UBE2V1: variants seen among roughly 807,000 people sequenced by gnomAD.
UBE2V1 encodes ubiquitin-conjugating enzyme E2 variant 1.
A neutral mutation model predicts 19.6 loss-of-function variants in UBE2V1; 15 were observed. That is an observed-to-expected ratio of 0.77 (90% CI 0.51 to 1.18). The LOEUF is 1.18. UBE2V1 is among the 50% of genes most tolerant of loss of function. The pLI is 0.00. For synonymous variants in UBE2V1, 60 were observed against 60.7 expected, an observed-to-expected ratio of 0.99 and a Z score of 0.05; for missense variants, 125 against 184.8, an observed-to-expected ratio of 0.68 and a Z score of 1.88.
At chr20:50,105,472 AAAG>A (rs2080295879) in intron 1 of UBE2V1, among the ~76,000 whole-genome samples, 1 of 152,240 alleles carries the variant, frequency 6.6e-6, no homozygotes, top group South Asian at 2.1e-4. Context: ...TACATATGCC[AAAG>A]AACAGAAGCA....
At chr20:50,091,971 G>A (rs1568983433) in intron 2 of UBE2V1, among the ~76,000 whole-genome samples, 1 of 152,090 alleles carries the variant, frequency 6.6e-6, no homozygotes, top group Non-Finnish European at 1.5e-5. Flanking sequence ...CAGTTCCTCT[G>A]AAGCATGGGT....
intron 1 of UBE2V1, among the ~76,000 whole-genome samples, chr20:50,097,227 T>A (rs2079683794): frequency 6.6e-6 from 1 of 152,226 alleles, no homozygotes; most frequent in Non-Finnish European, 1.5e-5. Flanking sequence ...TTTGTTGGCA[T>A]GACTCTCAAA....
intron 2 of UBE2V1, among the ~76,000 whole-genome samples, chr20:50,085,041 C>T (rs979396477): frequency 1.3e-5 from 2 of 151,862 alleles, no homozygotes; most frequent in African/African-American, 4.8e-5. Flanking sequence ...CAGGCATGTG[C>T]CACCATGGCC....
chr20:50,110,061 C>T (rs1215848752), intron 1 of UBE2V1, among the ~76,000 whole-genome samples: 1 of 152,224 alleles, frequency 6.6e-6, no homozygotes, highest in Non-Finnish European at 1.5e-5. Context: ...GCTGAATGTG[C>T]ATATGAGGCC....
intron 2 of UBE2V1, among the ~76,000 whole-genome samples, chr20:50,093,799 G>A (rs1176169853): frequency 6.6e-6 from 1 of 151,406 alleles, no homozygotes; most frequent in Non-Finnish European, 1.5e-5. Flanking sequence ...AGACCAGCCT[G>A]GCTAAGATGG....
chr20:50,111,399 G>A, intron 1 of UBE2V1: 1 of 1,000,238 alleles, frequency 1.0e-6, no homozygotes, highest in Non-Finnish European at 1.2e-6. Flanking sequence ...GCACCTTATT[G>A]CTGGCTACCA....
At chr20:50,084,990 G>A (rs2013393) in intron 2 of UBE2V1, among the ~76,000 whole-genome samples, 17,109 of 141,410 alleles carry the variant, frequency 0.12, 1,269 homozygotes, top group African/African-American at 0.21. Context: ...TCCGCCTCCC[G>A]GGTTCAAGTG....
intron 1 of UBE2V1, among the ~76,000 whole-genome samples, chr20:50,108,026 G>A (rs1466337710): frequency 6.6e-6 from 1 of 152,250 alleles, no homozygotes; most frequent in East Asian, 1.9e-4. Flanking sequence ...GACACCACAT[G>A]AAGTCAAGGC....
Position 50,082,714 on chromosome 20 carries a change from A to G in UBE2V1, c.*54T>C. 2 of 1,588,790 alleles carry G rather than the reference A, an allele frequency of 1.3e-6. No homozygotes were observed. The highest frequency in any genetic ancestry group is 1.7e-6 in the Non-Finnish European group (2 of 1,174,400). On this transcript the variant is annotated 3_prime_UTR_variant, in exon 4 of 4. Coordinates refer to ENST00000371674, the MANE Select transcript of UBE2V1 (RefSeq NM_001032288.3). Reference sequence around the variant, plus strand: ...AAATTTACTACTGTGGAAAATGAAGACTGATTAAATCGAATTGGGGGGAAG... The same window carrying G: ...AAATTTACTACTGTGGAAAATGAAGGCTGATTAAATCGAATTGGGGGGAAG...
At chr20:50,084,754 C>T in intron 2 of UBE2V1, 1 of 363,428 alleles carries the variant, frequency 2.8e-6, no homozygotes, top group Non-Finnish European at 5.4e-6. Flanking sequence ...TTCTCCATCA[C>T]TCCGGGGTTA....
intron 2 of UBE2V1, among the ~76,000 whole-genome samples, chr20:50,094,269 A>ATT (rs1420040479): frequency 9.4e-5 from 13 of 138,350 alleles, no homozygotes; most frequent in African/African-American, 3.4e-4. Flanking sequence ...TGCATTATAT[A>ATT]ATATATAATG....
At chr20:50,100,126 A>C (rs1176092832) in intron 1 of UBE2V1, among the ~76,000 whole-genome samples, 1 of 151,440 alleles carries the variant, frequency 6.6e-6, no homozygotes. Context: ...AAAAATAATA[A>C]ATAAATTAGC....
chr20:50,104,743 T>TA (rs1180190750), intron 1 of UBE2V1, among the ~76,000 whole-genome samples: 1 of 151,920 alleles, frequency 6.6e-6, no homozygotes, highest in East Asian at 1.9e-4. Flanking sequence ...AATTTATTTT[T>TA]AGAGATGGAG....
At chr20:50,113,172 C>G (rs184663098), upstream of UBE2V1, 1,372 of 1,268,186 alleles carry the variant, frequency 1.1e-3, 14 homozygotes, top group Admixed American at 0.018. Flanking sequence ...CTTCACCCCC[C>G]CCTTACCCGT....
At chr20:50,113,779 ATTC>A (rs1235558553), upstream of UBE2V1, among the ~76,000 whole-genome samples, 2 of 113,656 alleles carry the variant, frequency 1.8e-5, no homozygotes, top group Non-Finnish European at 3.4e-5. Flanking sequence ...TCATTCATTC[ATTC>A]ATTCATTCAT....
chr20:50,111,396 A>G, intron 1 of UBE2V1: 1 of 1,000,232 alleles, frequency 1.0e-6, no homozygotes, highest in Non-Finnish European at 1.2e-6. Flanking sequence ...ACAGCACCTT[A>G]TTGCTGGCTA....
chr20:50,100,936 T>C (rs960170365), intron 1 of UBE2V1, among the ~76,000 whole-genome samples: 2 of 152,252 alleles, frequency 1.3e-5, no homozygotes, highest in Admixed American at 1.3e-4. Flanking sequence ...TATAATTTTC[T>C]GATATTTAAT....
intron 2 of UBE2V1, among the ~76,000 whole-genome samples, chr20:50,088,528 G>A (rs1395311579): frequency 2.0e-5 from 3 of 152,202 alleles, no homozygotes; most frequent in Admixed American, 1.3e-4. Context: ...GCCCACGCCT[G>A]TAATCTCAGC....
At chr20:50,100,819 T>C in intron 1 of UBE2V1, among the ~76,000 whole-genome samples, 1 of 152,234 alleles carries the variant, frequency 6.6e-6, no homozygotes, top group East Asian at 1.9e-4. Context: ...AACTTCTCTA[T>C]GGCTGAAAGG....
Sources: allele counts gnomAD v4.1 joint callset (sites outside exome capture counted in the v4.1 genomes callset), GRCh38; gene constraint gnomAD v4.1.1; transcripts MANE v1.5; gene names NCBI Gene and HGNC (gene_info 2026-07-23, HGNC 2026-07-21).